Variants in RAP1GAP2 observed in about 807,000 individuals in gnomAD.
RAP1GAP2 encodes the protein rap1 GTPase-activating protein 2.
RAP1GAP2 carries 27 observed loss-of-function variants against 95.0 expected under a neutral mutation model. That is an observed-to-expected ratio of 0.28 (90% CI 0.21 to 0.39). The LOEUF (loss-of-function observed/expected upper bound fraction) is 0.39, where lower values mean the gene tolerates loss of function less well. Ranked by LOEUF, RAP1GAP2 falls within the 10% of genes least tolerant of loss-of-function variation. RAP1GAP2 has a pLI of 1.00. For synonymous variants in RAP1GAP2, 373 were observed against 380.9 expected (o/e 0.98, Z 0.24); for missense variants, 771 against 970.0 (o/e 0.79, Z 2.72).
chr17:2,871,549 G>A lies in RAP1GAP2; in HGVS notation c.81-33735G>A, dbSNP rs116368590. 0.015 allele frequency among the ~76,000 whole-genome samples: 2,235 copies of A among 152,276 alleles called. 43 individuals are homozygous for A. The highest frequency in any genetic ancestry group is 0.05 in the African/African-American group (2,071 of 41,554). On this transcript the variant is annotated intron_variant, in intron 2 of 24. Transcript: ENST00000254695. The surrounding 1 kb of genome is among the most constrained non-coding windows in gnomAD (Gnocchi z 5.0). Reference sequence around the variant, plus strand: ...TTACAGAGGAGGGAGAGGCAACAGCGGTAGGGCCAGCAAACACCATAGACA... The same window carrying A: ...TTACAGAGGAGGGAGAGGCAACAGCAGTAGGGCCAGCAAACACCATAGACA...
chr17:2,963,323 C>A lies in RAP1GAP2; in HGVS notation c.247-107C>A. The A allele has an allele frequency of 7.6e-7, 1 of 1,314,766 alleles. No homozygotes were observed. The highest frequency in any genetic ancestry group is 1.1e-6 in the Non-Finnish European group (1 of 910,288). 81.4% of individuals were successfully genotyped at this position (1,314,766 alleles called of 1,614,324 possible). The stretch of plus-strand genomic sequence containing the variant: ...CTGTTCTTCCATCGAATGTTCCTCC[C>A]TCAAAGCCCCCCCACAACATATCCC... On this transcript the variant is annotated intron_variant, in intron 5 of 24. Transcript: ENST00000254695. The surrounding 1 kb of genome is among the most constrained non-coding windows in gnomAD (Gnocchi z 4.8).
At chr17:2,925,025 G>C (rs2042907537) in intron 3 of RAP1GAP2, among the ~76,000 whole-genome samples, 1 of 152,240 alleles carries the variant, frequency 6.6e-6, no homozygotes, top group South Asian at 2.1e-4. Context: ...TTCCAGATGT[G>C]GTTTGGGACT....
At chr17:2,972,931 C>T (rs557439810) in intron 8 of RAP1GAP2, among the ~76,000 whole-genome samples, 2 of 152,276 alleles carry the variant, frequency 1.3e-5, no homozygotes, top group East Asian at 3.9e-4. Context: ...AGTCCAAATG[C>T]ACTGCGTTTT....
chr17:2,771,639 G>A lies in RAP1GAP2; in HGVS notation c.167+1194G>A, dbSNP rs575828705. On this transcript the variant is annotated intron_variant, in intron 2 of 25. Transcript: ENST00000637138. ...CGCGTAGCTGGGATTACAGATGCCC[G>A]CCACCATACCTGGCTAATTTTTGTA... 3.3e-5 allele frequency among the ~76,000 whole-genome samples: 5 copies of A among 152,004 alleles called. No individual in the cohort carries two copies. The South Asian group carries it at 6.2e-4, about 19-fold the overall frequency.
intron 3 of RAP1GAP2, among the ~76,000 whole-genome samples, chr17:2,940,319 T>C (rs1163776460): frequency 1.3e-5 from 2 of 152,134 alleles, no homozygotes. Context: ...CTTTCCTCCC[T>C]GGCTTGGAGA....
rs553307167 is a variant in RAP1GAP2, at chr17:3,025,923, C to A, written c.1752-85C>A. 90 of 1,020,512 alleles carry A rather than the reference C, an allele frequency of 8.8e-5. No individual in the cohort carries two copies. The East Asian group carries it at 2.2e-3, about 25-fold the overall frequency. 63.2% of individuals were successfully genotyped at this position (1,020,512 alleles called of 1,614,324 possible). On this transcript the variant is annotated intron_variant, in intron 19 of 24. Coordinates refer to ENST00000254695, the MANE Select transcript of RAP1GAP2 (RefSeq NM_015085.5). ...CTGACCCCACTGCCCCTCACCGTGCCGAGAGAGGCTCTGCCTGGGGCCGTG... is the reference window on the plus strand; with the variant it reads ...CTGACCCCACTGCCCCTCACCGTGCAGAGAGAGGCTCTGCCTGGGGCCGTG...
At chr17:2,758,032 G>A (rs1208189456) in intron 1 of RAP1GAP2, among the ~76,000 whole-genome samples, 4 of 151,874 alleles carry the variant, frequency 2.6e-5, no homozygotes, top group Admixed American at 2.6e-4. Context: ...ACCACGCCAG[G>A]CTAATTTTTT....
intron 2 of RAP1GAP2, among the ~76,000 whole-genome samples, chr17:2,819,800 T>G (rs1452334419): frequency 3.3e-5 from 5 of 151,052 alleles, no homozygotes; most frequent in Admixed American, 1.3e-4. Context: ...TTCTCCTTTT[T>G]TTTTTTTTTT....
chr17:2,788,571 T>C (rs750302301), intron 1 of RAP1GAP2, among the ~76,000 whole-genome samples: 1 of 152,174 alleles, frequency 6.6e-6, no homozygotes, highest in Non-Finnish European at 1.5e-5. Context: ...GTGCTGGGAT[T>C]ACTGAGCCCC....
Position 2,971,637 on chromosome 17 carries a change from G to A in RAP1GAP2, c.596+5994G>A, listed in dbSNP as rs185740627. On this transcript the variant is annotated intron_variant, in intron 8 of 24. Transcript: ENST00000254695. ...GTGATATTTGCAAGTTGTTATTATT[G>A]TTAGCAACTTCTCTGTGTCTCATTT... 4.6e-5 allele frequency among the ~76,000 whole-genome samples: 7 copies of A among 152,232 alleles called. No homozygotes were observed. The East Asian group carries it at 1.2e-3, about 25-fold the overall frequency.
chr17:2,813,333 C>T (rs549568187), intron 2 of RAP1GAP2, among the ~76,000 whole-genome samples: 1 of 152,156 alleles, frequency 6.6e-6, no homozygotes, highest in African/African-American at 2.4e-5. Context: ...CTTCAGCCTC[C>T]CAAAGTGCTG....
At chr17:2,976,803 T>C in intron 8 of RAP1GAP2, among the ~76,000 whole-genome samples, 1 of 152,016 alleles carries the variant, frequency 6.6e-6, no homozygotes, top group Non-Finnish European at 1.5e-5. Context: ...GTAAGATCGA[T>C]AAACCTCCAG....
rs769591225 is a variant in RAP1GAP2, at chr17:2,800,533, G to T, written c.63G>T (p.Leu21=). 1 of 1,612,978 alleles carries T rather than the reference G, an allele frequency of 6.2e-7. No individual in the cohort carries two copies. Among genetic ancestry groups the T allele is most frequent in the Non-Finnish European group, 8.5e-7 (1 of 1,179,504 alleles). The stretch of plus-strand genomic sequence containing the variant: ...TTGGCAGGATCGACAAGACCATGCT[G>T]GCAAGTCTGAAGGTCAAGTAAGTAG... ...GGFGWIDKTM[L]ASLKVKKQEL... Residue 21 remains leucine, a synonymous_variant, in exon 2 of 25, where the codon CTG becomes CTT. Coordinates refer to ENST00000254695, the MANE Select transcript of RAP1GAP2 (RefSeq NM_015085.5).
intron 2 of RAP1GAP2, among the ~76,000 whole-genome samples, chr17:2,830,775 T>C (rs2070795515): frequency 6.6e-6 from 1 of 151,972 alleles, no homozygotes; most frequent in East Asian, 1.9e-4. Flanking sequence ...TGTATTTACA[T>C]GGTTGGTTCT....
chr17:2,777,076 A>G (rs2068520452), exon 1 of RAP1GAP2: 1 of 152,160 alleles, frequency 6.6e-6, no homozygotes, highest in South Asian at 2.1e-4. Flanking sequence ...ATCGGCACGT[A>G]TGGACGGCGC....
At chr17:3,032,009 G>A (rs954343343) in intron 23 of RAP1GAP2, among the ~76,000 whole-genome samples, 9 of 149,846 alleles carry the variant, frequency 6.0e-5, no homozygotes, top group African/African-American at 1.5e-4. Context: ...CCAGACTATC[G>A]AGAGCTCCAG....
In RAP1GAP2 at chr17:2,902,571, C is replaced by A. The variant is rs1035082396; in HGVS notation, c.81-2713C>A. ...TCATGCCTTCTGCCCACCCTGGCAC[C>A]CCCTCTGGAGTCCTGGACACAGCGC... On this transcript the variant is annotated intron_variant, in intron 2 of 24. Coordinates refer to ENST00000254695, the MANE Select transcript of RAP1GAP2 (RefSeq NM_015085.5). This position sits in a 1 kb window ranked among gnomAD's most constrained non-coding sequence, Gnocchi z 4.1. 1.9e-4 allele frequency among the ~76,000 whole-genome samples: 29 copies of A among 152,148 alleles called. No homozygotes were observed. The highest frequency in any genetic ancestry group is 6.8e-4 in the African/African-American group (28 of 41,428).
intron 1 of RAP1GAP2, among the ~76,000 whole-genome samples, chr17:2,764,424 AAAAAAT>A (rs2068240147): frequency 6.8e-6 from 1 of 146,426 alleles, no homozygotes; most frequent in Non-Finnish European, 1.5e-5. Flanking sequence ...ACTCTGTCTC[AAAAAAT>A]AAAAATAGAA....
intron 3 of RAP1GAP2, among the ~76,000 whole-genome samples, chr17:2,941,449 C>CAA (rs147264756): frequency 1.3e-5 from 2 of 151,048 alleles, no homozygotes; most frequent in South Asian, 2.1e-4. Flanking sequence ...ACAACAAAAA[C>CAA]AAAAAAAAGA....
Sources: allele counts gnomAD v4.1 joint callset (sites outside exome capture counted in the v4.1 genomes callset), GRCh38; gene constraint gnomAD v4.1.1; non-coding constraint Gnocchi (gnomAD v3.1); transcripts MANE v1.5; gene names NCBI Gene and HGNC (gene_info 2026-07-23, HGNC 2026-07-21).